Variants in SDK1 observed in about 807,000 individuals in gnomAD.
SDK1 encodes protein sidekick-1.
Under a neutral mutation model 245.5 loss-of-function variants are expected in SDK1, and 157 were observed. The observed-to-expected ratio is 0.64, with a 90% CI of 0.56 to 0.73. SDK1 has a LOEUF of 0.73. SDK1 is among the 30% of genes least tolerant of loss of function. The probability of loss-of-function intolerance (pLI) is 0.00; values close to 1 mark genes in which losing one functional copy is unlikely to be tolerated. For missense variants in SDK1, 3,583 were observed against 3,002.3 expected, an observed-to-expected ratio of 1.19 and a Z score of -4.52; for synonymous variants, 1,647 against 1,278.5, an observed-to-expected ratio of 1.29 and a Z score of -6.15.
chr7:3,409,026 G>A lies in SDK1; in HGVS notation c.298+107142G>A, dbSNP rs1419277153. Among the ~76,000 whole-genome samples the A allele has an allele frequency of 2.6e-5, 4 of 152,148 alleles. No homozygotes were observed. The East Asian group carries it at 7.7e-4, about 29-fold the overall frequency. On this transcript the variant is annotated intron_variant, in intron 1 of 44. Transcript: ENST00000404826. ...GAGACACATAGTGCTGGCTTGTCAG[G>A]CTGCTAAAATGAAACATAAGAATGG...
At chr7:3,672,215 G>A in intron 4 of SDK1, among the ~76,000 whole-genome samples, 1 of 152,030 alleles carries the variant, frequency 6.6e-6, no homozygotes, top group South Asian at 2.1e-4. Context: ...GATGCTGCTG[G>A]TGAGAATGAA....
intron 4 of SDK1, among the ~76,000 whole-genome samples, chr7:3,682,329 C>T (rs1056846499): frequency 6.6e-6 from 1 of 152,184 alleles, no homozygotes; most frequent in Non-Finnish European, 1.5e-5. Context: ...TTCAACTATG[C>T]CACAGTTGCT....
At chr7:3,633,251 A>G (rs369717387) in intron 2 of SDK1, among the ~76,000 whole-genome samples, 15 of 152,262 alleles carry the variant, frequency 9.9e-5, no homozygotes, top group African/African-American at 3.1e-4. Flanking sequence ...CAGTCCCCCC[A>G]CCACTGAAAG....
chr7:4,142,213 C>G (rs1201647594), intron 28 of SDK1, among the ~76,000 whole-genome samples: 1 of 152,106 alleles, frequency 6.6e-6, no homozygotes, highest in Non-Finnish European at 1.5e-5. Context: ...TTTTTGCTGC[C>G]TTAGCGAAAG....
At chr7:3,755,600 C>T (rs1211989589) in intron 4 of SDK1, among the ~76,000 whole-genome samples, 1 of 152,150 alleles carries the variant, frequency 6.6e-6, no homozygotes, top group Non-Finnish European at 1.5e-5. Context: ...CTGATAACCA[C>T]CTCCACAGCC....
chr7:3,951,232 A>G (rs1028212893), intron 6 of SDK1, among the ~76,000 whole-genome samples, 198 bp downstream of exon 6: 2 of 151,998 alleles, frequency 1.3e-5, no homozygotes, highest in Admixed American at 6.6e-5. Flanking sequence ...CCCCACTGCA[A>G]CAGGGCGGTG....
intron 4 of SDK1, among the ~76,000 whole-genome samples, chr7:3,773,733 T>G (rs538116009): frequency 2.6e-5 from 4 of 152,348 alleles, no homozygotes; most frequent in African/African-American, 9.6e-5. Context: ...GTAGGCTGTT[T>G]CTGTGCCATG....
At chr7:3,952,841 A>C (rs546016923) in intron 7 of SDK1, among the ~76,000 whole-genome samples, 2 of 152,218 alleles carry the variant, frequency 1.3e-5, no homozygotes, top group Non-Finnish European at 2.9e-5. Flanking sequence ...TGCATTGTAC[A>C]GTGGCTAAGA....
chr7:4,094,686 G>A (rs1782032480), intron 22 of SDK1, among the ~76,000 whole-genome samples: 1 of 152,214 alleles, frequency 6.6e-6, no homozygotes, highest in South Asian at 2.1e-4. Flanking sequence ...GGACCTCCCT[G>A]GCACAGCAAA....
intron 4 of SDK1, among the ~76,000 whole-genome samples, chr7:3,806,564 T>A (rs930226514): frequency 1.3e-5 from 2 of 152,256 alleles, no homozygotes; most frequent in African/African-American, 4.8e-5. Flanking sequence ...CCTTTGGTCC[T>A]TTGCAGAACT....
chr7:3,327,554 G>A (rs1257666444), intron 1 of SDK1, among the ~76,000 whole-genome samples: 3 of 151,978 alleles, frequency 2.0e-5, no homozygotes, highest in East Asian at 3.9e-4. Context: ...GATTTAAAGC[G>A]GTTTTGCCAT....
chr7:4,052,546 G>T (rs879564433), intron 19 of SDK1, among the ~76,000 whole-genome samples: 1 of 152,044 alleles, frequency 6.6e-6, no homozygotes, highest in Admixed American at 6.5e-5. Flanking sequence ...CAAAAATTGT[G>T]CGCAAAAATG....
At chr7:4,226,350 C>T (rs904298905) in intron 40 of SDK1, among the ~76,000 whole-genome samples, 2 of 152,186 alleles carry the variant, frequency 1.3e-5, no homozygotes. Flanking sequence ...TGAGTCTCTA[C>T]CTTGCCCCTG....
intron 28 of SDK1, among the ~76,000 whole-genome samples, chr7:4,133,688 A>G (rs1785012373): frequency 6.6e-6 from 1 of 152,214 alleles, no homozygotes; most frequent in South Asian, 2.1e-4. Flanking sequence ...GTCTTGAGCT[A>G]CTGTGAGCTC....
chr7:3,645,661 C>T (rs1230143356), intron 4 of SDK1, among the ~76,000 whole-genome samples: 1 of 152,000 alleles, frequency 6.6e-6, no homozygotes, highest in Non-Finnish European at 1.5e-5. Context: ...TATTGCTTTC[C>T]ATGTCTAAGA....
chr7:3,983,199 A>G (rs117171852), intron 13 of SDK1, among the ~76,000 whole-genome samples: 1 of 152,328 alleles, frequency 6.6e-6, no homozygotes, highest in Non-Finnish European at 1.5e-5. Flanking sequence ...TAGCTGGTAA[A>G]GCTGTGGCAG....
intron 1 of SDK1, among the ~76,000 whole-genome samples, chr7:3,311,580 G>T (rs936706424): frequency 3.3e-5 from 5 of 152,086 alleles, no homozygotes. Flanking sequence ...ATCTATTATT[G>T]AGGCTGGGAA....
At chr7:4,004,989 A>C (rs944534291) in intron 14 of SDK1, among the ~76,000 whole-genome samples, 3 of 149,750 alleles carry the variant, frequency 2.0e-5, no homozygotes, top group Non-Finnish European at 4.4e-5. Context: ...GAAGGCCCCA[A>C]GTCCTAGATT....
At chr7:3,964,915 C>CT (rs1466945819) in intron 9 of SDK1, among the ~76,000 whole-genome samples, 2 of 152,128 alleles carry the variant, frequency 1.3e-5, no homozygotes, top group Non-Finnish European at 2.9e-5. Context: ...CATTTTGGAG[C>CT]TTAGGAAACC....
Sources: allele counts gnomAD v4.1 joint callset (sites outside exome capture counted in the v4.1 genomes callset), GRCh38; gene constraint gnomAD v4.1.1; transcripts MANE v1.5; gene names NCBI Gene and HGNC (gene_info 2026-07-23, HGNC 2026-07-21).